The following LSAMP variants were observed in gnomAD, a reference collection of about 807,000 sequenced individuals.
The protein encoded by LSAMP is limbic system associated membrane protein.
Under a neutral mutation model 38.6 loss-of-function variants are expected in LSAMP, and 7 were observed. That is an observed-to-expected ratio of 0.18 (90% CI 0.10 to 0.34). The LOEUF (loss-of-function observed/expected upper bound fraction) is 0.34, where lower values mean the gene tolerates loss of function less well. Ranked by LOEUF, LSAMP falls within the 10% of genes least tolerant of loss-of-function variation. The probability of loss-of-function intolerance (pLI) is 1.00; values close to 1 mark genes in which losing one functional copy is unlikely to be tolerated. For missense variants in LSAMP, 313 were observed against 420.0 expected, an observed-to-expected ratio of 0.75 and a Z score of 2.23; for synonymous variants, 154 against 166.8, an observed-to-expected ratio of 0.92 and a Z score of 0.59.
intron 3 of LSAMP, among the ~76,000 whole-genome samples, chr3:115,989,433 A>G (rs1443071448): frequency 2.6e-5 from 4 of 152,146 alleles, no homozygotes; most frequent in Non-Finnish European, 4.4e-5. Flanking sequence ...TGGTCACTAC[A>G]TTAGTATTAC....
rs1490188574 is a variant in LSAMP at position 116,089,317 on chromosome 3, A to C, written c.156-2761T>G. On this transcript the variant is annotated intron_variant, in intron 1 of 6. Coordinates refer to ENST00000490035, the MANE Select transcript of LSAMP (RefSeq NM_002338.5). The stretch of plus-strand genomic sequence containing the variant: ...TTTTTAAAATTCGTCTTTTACTGAC[A>C]AACAAGTGAATAGTATATTAGAATA... Among the ~76,000 whole-genome samples, 3 of 152,220 alleles carry C rather than the reference A, an allele frequency of 2.0e-5. No individual in the cohort carries two copies. In the East Asian group the frequency reaches 5.8e-4, roughly 29 times the overall value.
At chr3:116,086,223 G>T (rs1670337599) in intron 2 of LSAMP, 101 bp downstream of exon 2, 4 of 954,870 alleles carry the variant, frequency 4.2e-6, no homozygotes, top group African/African-American at 3.3e-5. Context: ...ATATCTTTGG[G>T]AATATTTCTT....
At chr3:116,333,687 T>C (rs1056402881) in intron 1 of LSAMP, among the ~76,000 whole-genome samples, 6 of 151,730 alleles carry the variant, frequency 4.0e-5, no homozygotes, top group Admixed American at 3.9e-4. Flanking sequence ...GAGGAAGAAA[T>C]CACAAGTGAA....
chr3:116,166,787 G>GTTTTTTTTTTTT (rs35340943), intron 1 of LSAMP, among the ~76,000 whole-genome samples: 230 of 118,764 alleles, frequency 1.9e-3, no homozygotes, highest in Middle Eastern at 5.1e-3. Context: ...TTTTTTTTTT[G>GTTTTTTTTTTTT]TTTTTTTTTT....
intron 3 of LSAMP, among the ~76,000 whole-genome samples, chr3:115,897,335 G>A (rs1936754247): frequency 6.6e-6 from 1 of 152,034 alleles, no homozygotes; most frequent in African/African-American, 2.4e-5. Context: ...TCTTATTACT[G>A]TTGGAGGATT....
chr3:116,445,036 G>A lies in LSAMP; in HGVS notation c.-5C>T. 6.2e-7 allele frequency: 1 copy of A among 1,609,008 alleles called. No individual in the cohort carries two copies. Among genetic ancestry groups the A allele is most frequent in the Non-Finnish European group, 8.5e-7 (1 of 1,176,390 alleles). On this transcript the variant is annotated 5_prime_UTR_variant, in exon 1 of 7. Transcript: ENST00000490035. ...CGGCTGAACTCTCCTGACCATGGTG[G>A]CCACGCCGAGGTGCGGGTCCGCGGG...
intron 1 of LSAMP, among the ~76,000 whole-genome samples, chr3:116,180,801 G>A (rs367987391): frequency 1.3e-5 from 2 of 152,036 alleles, no homozygotes; most frequent in African/African-American, 4.8e-5. Context: ...AAAGTTTTGA[G>A]GAGATAATAA....
chr3:116,254,584 T>C (rs981301001), intron 1 of LSAMP, among the ~76,000 whole-genome samples: 1 of 152,150 alleles, frequency 6.6e-6, no homozygotes, highest in Non-Finnish European at 1.5e-5. Context: ...CACCGTTTTG[T>C]TTCAGTAAGG....
intron 2 of LSAMP, among the ~76,000 whole-genome samples, chr3:116,043,648 A>C (rs1183895870): frequency 6.6e-6 from 1 of 152,128 alleles, no homozygotes; most frequent in East Asian, 1.9e-4. Context: ...TGAAAATGAA[A>C]ATAAAAAAAT....
At position 116,104,984 on chromosome 3, in the gene LSAMP, A is replaced by C. The variant is rs376506400; in HGVS notation, c.156-18428T>G. 2.0e-4 allele frequency among the ~76,000 whole-genome samples: 31 copies of C among 152,324 alleles called. No homozygotes were observed. The South Asian group carries it at 6.2e-3, about 31-fold the overall frequency. ...GGTGGAAGAGAACTATTGCTTTGGCACTTTCATAGCAGGCACCCGTGTCAA... is the reference window on the plus strand; with the variant it reads ...GGTGGAAGAGAACTATTGCTTTGGCCCTTTCATAGCAGGCACCCGTGTCAA... On this transcript the variant is annotated intron_variant, in intron 1 of 6. Coordinates refer to ENST00000490035, the MANE Select transcript of LSAMP (RefSeq NM_002338.5).
intron 1 of LSAMP, among the ~76,000 whole-genome samples, chr3:116,211,694 G>T (rs571198278): frequency 1.3e-5 from 2 of 152,266 alleles, no homozygotes; most frequent in East Asian, 1.9e-4. Context: ...GTATGTGAGT[G>T]AACTCTTATT....
At chr3:116,163,773 C>T (rs1322039306) in intron 1 of LSAMP, among the ~76,000 whole-genome samples, 1 of 152,048 alleles carries the variant, frequency 6.6e-6, no homozygotes, top group Non-Finnish European at 1.5e-5. Flanking sequence ...TTCTTAGACT[C>T]TTCTAATTTT....
intron 3 of LSAMP, among the ~76,000 whole-genome samples, chr3:115,880,404 A>G (rs915352191): frequency 6.6e-6 from 1 of 152,118 alleles, no homozygotes; most frequent in Non-Finnish European, 1.5e-5. Context: ...AAATTCTTAA[A>G]TTTTGTTTTG....
At chr3:116,217,797 C>A (rs1436812804) in intron 1 of LSAMP, among the ~76,000 whole-genome samples, 1 of 152,100 alleles carries the variant, frequency 6.6e-6, no homozygotes, top group Non-Finnish European at 1.5e-5. Context: ...CACTTTTGTT[C>A]CCCATCTCTG....
intron 1 of LSAMP, among the ~76,000 whole-genome samples, chr3:116,231,731 G>A (rs1576448764): frequency 1.3e-5 from 2 of 152,294 alleles, no homozygotes; most frequent in Admixed American, 1.3e-4. Context: ...GAGGAAATGA[G>A]TAATGACTTC....
chr3:116,222,738 T>C, intron 1 of LSAMP, among the ~76,000 whole-genome samples: 1 of 116,578 alleles, frequency 8.6e-6, no homozygotes, highest in Non-Finnish European at 1.8e-5. Flanking sequence ...TTTTTTTTTT[T>C]TTTTTTTTTT....
chr3:116,201,132 G>A (rs1273317665), intron 1 of LSAMP, among the ~76,000 whole-genome samples: 2 of 152,072 alleles, frequency 1.3e-5, no homozygotes, highest in South Asian at 2.1e-4. Context: ...GTCCCTCCCC[G>A]CTGTACCTCC....
At chr3:116,331,825 TTC>T (rs1465197524) in intron 1 of LSAMP, among the ~76,000 whole-genome samples, 3 of 152,160 alleles carry the variant, frequency 2.0e-5, no homozygotes, top group Non-Finnish European at 2.9e-5. Flanking sequence ...TCTTTTTATT[TTC>T]TTTCTTTCTT....
chr3:116,148,836 ATG>A (rs537537873), intron 1 of LSAMP, among the ~76,000 whole-genome samples: 99 of 152,170 alleles, frequency 6.5e-4, no homozygotes, highest in Middle Eastern at 3.4e-3. Context: ...TTTCAAAAGA[ATG>A]TCAGTAGTTT....
Sources: gnomAD v4.1 joint callset for allele counts (sites outside exome capture counted in the v4.1 genomes callset) on GRCh38, gnomAD v4.1.1 for gene constraint, MANE v1.5 for transcripts, NCBI Gene and HGNC (gene_info 2026-07-23, HGNC 2026-07-21) for gene names.